Variants in CNTNAP2 observed in about 807,000 individuals in gnomAD.
The protein encoded by CNTNAP2 is contactin-associated protein-like 2.
Under a neutral mutation model 155.2 loss-of-function variants are expected in CNTNAP2, and 98 were observed. The observed-to-expected ratio is 0.63, with a 90% CI of 0.54 to 0.75. CNTNAP2 has a LOEUF of 0.75. Among genes scored for constraint, CNTNAP2 ranks in the 30% least tolerant of loss-of-function variants. CNTNAP2 has a pLI of 0.00. For missense variants in CNTNAP2, 1,727 were observed against 1,688.1 expected (o/e 1.02, Z -0.40); for synonymous variants, 651 against 631.2 (o/e 1.03, Z -0.47).
intron 13 of CNTNAP2, among the ~76,000 whole-genome samples, chr7:147,693,637 A>T (rs1485728725): frequency 6.6e-6 from 1 of 151,918 alleles, no homozygotes; most frequent in Non-Finnish European, 1.5e-5. Flanking sequence ...TTACTTATTT[A>T]TTGCTGGTAT....
At chr7:147,811,861 T>C (rs939351746) in intron 13 of CNTNAP2, among the ~76,000 whole-genome samples, 1 of 152,172 alleles carries the variant, frequency 6.6e-6, no homozygotes, top group African/African-American at 2.4e-5. Flanking sequence ...ATATTCTCCA[T>C]GAGCAAATAA....
chr7:146,405,350 C>T (rs1179035680), intron 1 of CNTNAP2, among the ~76,000 whole-genome samples: 1 of 152,182 alleles, frequency 6.6e-6, no homozygotes, highest in Non-Finnish European at 1.5e-5. Context: ...TCCATAAGGG[C>T]TAGAATCTTG....
At chr7:146,240,827 A>G (rs188671217) in intron 1 of CNTNAP2, among the ~76,000 whole-genome samples, 14 of 152,172 alleles carry the variant, frequency 9.2e-5, no homozygotes, top group Admixed American at 7.8e-4. Flanking sequence ...TTGCTTTGCT[A>G]TAAATATCTG....
chr7:146,169,932 G>A lies in CNTNAP2; in HGVS notation c.97+52959G>A, dbSNP rs983867848. ...ATAACGCTGCAATGAATGTAGCAAT[G>A]CAGGTATCACTTCAAGATATTGATT... On this transcript the variant is annotated intron_variant, in intron 1 of 23. Coordinates refer to ENST00000361727, the MANE Select transcript of CNTNAP2 (RefSeq NM_014141.6). 3.3e-5 allele frequency among the ~76,000 whole-genome samples: 5 copies of A among 151,604 alleles called. No individual in the cohort carries two copies. In the East Asian group the frequency reaches 9.7e-4, roughly 29 times the overall value.
chr7:147,170,266 C>G (rs1262893652), intron 8 of CNTNAP2, among the ~76,000 whole-genome samples: 1 of 152,164 alleles, frequency 6.6e-6, no homozygotes, highest in Admixed American at 6.5e-5. Context: ...TGCTTTAGAG[C>G]TATGGGTGGT....
chr7:147,797,999 C>T (rs1451618874), intron 13 of CNTNAP2, among the ~76,000 whole-genome samples: 1 of 152,002 alleles, frequency 6.6e-6, no homozygotes, highest in African/African-American at 2.4e-5. Flanking sequence ...GTGTCTCTAT[C>T]GTGGTAATAC....
intron 23 of CNTNAP2, 140 bp downstream of exon 23, chr7:148,409,611 G>C (rs1301683665): frequency 3.9e-6 from 3 of 765,668 alleles, no homozygotes; most frequent in Non-Finnish European, 4.5e-6. Context: ...TATGACATAT[G>C]ATGTGAAGAA....
intron 3 of CNTNAP2, among the ~76,000 whole-genome samples, chr7:146,915,111 A>G (rs1481132405): frequency 6.6e-6 from 1 of 151,990 alleles, no homozygotes; most frequent in Admixed American, 6.6e-5. Flanking sequence ...TTCCTTTTTC[A>G]AAGATCAGTT....
At chr7:146,572,175 T>C (rs1334331173) in intron 1 of CNTNAP2, among the ~76,000 whole-genome samples, 1 of 151,948 alleles carries the variant, frequency 6.6e-6, no homozygotes, top group African/African-American at 2.4e-5. Flanking sequence ...AGTCAAAAAG[T>C]CCAGAGGATT....
At chr7:146,574,013 C>T (rs1206877438) in intron 1 of CNTNAP2, among the ~76,000 whole-genome samples, 6 of 151,982 alleles carry the variant, frequency 3.9e-5, no homozygotes, top group Non-Finnish European at 8.8e-5. Context: ...TTTCTGGATA[C>T]GCCATTTAAC....
chr7:147,098,768 G>A (rs577988365), intron 4 of CNTNAP2, among the ~76,000 whole-genome samples: 7 of 152,130 alleles, frequency 4.6e-5, no homozygotes, highest in East Asian at 1.9e-4. Flanking sequence ...AACACCTACC[G>A]TGAAAAGATA....
intron 11 of CNTNAP2, among the ~76,000 whole-genome samples, chr7:147,537,486 T>A (rs1799565005): frequency 6.6e-6 from 1 of 152,160 alleles, no homozygotes; most frequent in Admixed American, 6.5e-5. Context: ...AATGTAAATG[T>A]GGTATTGGCT....
At position 147,242,987 on chromosome 7, in the gene CNTNAP2, A is replaced by ATTTTTTTTTTTTTTTTTT. The variant is rs766917054; in HGVS notation, c.1349-57142_1349-57125dup. 9.8e-4 allele frequency among the ~76,000 whole-genome samples: 46 copies of ATTTTTTTTTTTTTTTTTT among 47,164 alleles called. 18 individuals are homozygous for ATTTTTTTTTTTTTTTTTT. The highest frequency in any genetic ancestry group is 2.9e-3 in the East Asian group (3 of 1,050). The allele number at this position is 47,164 out of a possible 152,430, so 30.9% of individuals were successfully genotyped here. A position where few individuals can be genotyped will look rare whatever the true frequency, so the allele number is the denominator to read the frequency against. ...TGTTGTATTCCACACTATGCTTTGCATTTTTTTTTTTTTTTTTTTTTTTTT... is the reference window on the plus strand; with the variant it reads ...TGTTGTATTCCACACTATGCTTTGCATTTTTTTTTTTTTTTTTTTTTTTTTTTTTTTTTTTTTTTTTTT... On this transcript the variant is annotated intron_variant, in intron 8 of 23. Coordinates refer to ENST00000361727, the MANE Select transcript of CNTNAP2 (RefSeq NM_014141.6).
intron 13 of CNTNAP2, among the ~76,000 whole-genome samples, chr7:147,837,202 G>T (rs1235950778): frequency 1.3e-5 from 2 of 152,180 alleles, no homozygotes; most frequent in African/African-American, 4.8e-5. Context: ...CCATGTTGCT[G>T]GGGAGGCCCC....
At chr7:148,040,723 A>G (rs1165383611) in intron 15 of CNTNAP2, among the ~76,000 whole-genome samples, 2 of 152,232 alleles carry the variant, frequency 1.3e-5, no homozygotes, top group African/African-American at 4.8e-5. Flanking sequence ...GCAAGGAACC[A>G]TGACTATCAG....
chr7:147,862,644 C>G (rs4574770), intron 13 of CNTNAP2, among the ~76,000 whole-genome samples: 4 of 151,496 alleles, frequency 2.6e-5, no homozygotes, highest in African/African-American at 9.7e-5. Flanking sequence ...TACATATATA[C>G]ACACACACAC....
chr7:147,413,249 G>A (rs1472956064), intron 10 of CNTNAP2, among the ~76,000 whole-genome samples: 1 of 152,198 alleles, frequency 6.6e-6, no homozygotes, highest in African/African-American at 2.4e-5. Flanking sequence ...ACTGTAGAGT[G>A]TTTTCTTCAT....
intron 1 of CNTNAP2, among the ~76,000 whole-genome samples, chr7:146,179,232 A>T (rs906259911): frequency 6.6e-6 from 1 of 152,124 alleles, no homozygotes; most frequent in Admixed American, 6.6e-5. Flanking sequence ...AGTGTTGCAG[A>T]TGGGAACATG....
chr7:147,181,408 T>C (rs1388079515), intron 8 of CNTNAP2, among the ~76,000 whole-genome samples: 1 of 152,248 alleles, frequency 6.6e-6, no homozygotes, highest in African/African-American at 2.4e-5. Context: ...TCTAAAACTT[T>C]TTAAAGCAAA....
Sources: allele counts gnomAD v4.1 joint callset (sites outside exome capture counted in the v4.1 genomes callset), GRCh38; gene constraint gnomAD v4.1.1; transcripts MANE v1.5; gene names NCBI Gene and HGNC (gene_info 2026-07-23, HGNC 2026-07-21).